The following SORBS2 variants were observed in gnomAD, a reference collection of about 807,000 sequenced individuals.
SORBS2 encodes sorbin and SH3 domain-containing protein 2.
Under a neutral mutation model 97.7 loss-of-function variants are expected in SORBS2, and 46 were observed. The observed-to-expected ratio is 0.47, with a 90% confidence interval of 0.37 to 0.60. SORBS2 has a LOEUF of 0.60. Among genes scored for constraint, SORBS2 ranks in the 20% least tolerant of loss-of-function variants. SORBS2 has a pLI of 0.00. For synonymous variants in SORBS2, 476 were observed against 473.4 expected (o/e 1.01, Z -0.07); for missense variants, 1,316 against 1,282.3 (o/e 1.03, Z -0.40).
upstream of SORBS2, among the ~76,000 whole-genome samples, chr4:185,658,645 C>T (rs745856847): frequency 6.7e-6 from 1 of 149,282 alleles, no homozygotes; most frequent in Non-Finnish European, 1.5e-5. Flanking sequence ...TGATATATAT[C>T]ATGTATAAAT....
At chr4:185,743,420 T>C (rs978890191) in intron 2 of SORBS2, among the ~76,000 whole-genome samples, 6 of 152,174 alleles carry the variant, frequency 3.9e-5, no homozygotes, top group Admixed American at 3.3e-4. Context: ...AACAGACAAA[T>C]AGCCCTTCGG....
intron 2 of SORBS2, among the ~76,000 whole-genome samples, chr4:185,758,530 G>C (rs2098844702): frequency 6.6e-6 from 1 of 152,084 alleles, no homozygotes; most frequent in Non-Finnish European, 1.5e-5. Flanking sequence ...GCCTCATTCA[G>C]TCTCAAGGCT....
intron 1 of SORBS2, among the ~76,000 whole-genome samples, chr4:185,943,622 G>A (rs548112304): frequency 2.0e-5 from 3 of 152,248 alleles, no homozygotes; most frequent in South Asian, 4.1e-4. Flanking sequence ...ATAGCAGGGG[G>A]AATATATTAG....
At chr4:185,881,984 T>G (rs1432398855) in intron 1 of SORBS2, among the ~76,000 whole-genome samples, 1 of 152,210 alleles carries the variant, frequency 6.6e-6, no homozygotes, top group Non-Finnish European at 1.5e-5. Flanking sequence ...TTTAATATGA[T>G]CTCTTAGACA....
rs1015656531 is a variant in SORBS2, at chr4:185,812,015, T to C, written c.-337-36649A>G. 2 of 152,206 alleles carry C rather than the reference T, an allele frequency of 1.3e-5. No homozygotes were observed. Among genetic ancestry groups the C allele is most frequent in the Admixed American group, 1.3e-4 (2 of 15,284 alleles). The allele number at this position is 152,206 out of a possible 1,614,324, so 9.4% of individuals were successfully genotyped here. A position where few individuals can be genotyped will look rare whatever the true frequency, so the allele number is the denominator to read the frequency against. On this transcript the variant is annotated intron_variant, in intron 1 of 20. An upstream open reading frame in the 5' UTR loses its in-frame stop. Coordinates refer to the SORBS2 transcript ENST00000284776. ...GCCTGATAGCAGATATGCAGCATTA[T>C]CACTCTGCATTCCACATTCTCCAAT...
At chr4:185,596,530 C>CTTTTTTTTTTT (rs58831094) in intron 12 of SORBS2, among the ~76,000 whole-genome samples, 9 of 77,432 alleles carry the variant, frequency 1.2e-4, no homozygotes, top group African/African-American at 5.0e-4. Context: ...ACCGTCCTTG[C>CTTTTTTTTTTT]TTTTTTTTTT....
chr4:185,608,810 G>GA (rs1436499955), intron 12 of SORBS2, among the ~76,000 whole-genome samples: 6 of 151,982 alleles, frequency 3.9e-5, no homozygotes, highest in African/African-American at 1.4e-4. Flanking sequence ...GATTTGGAAA[G>GA]AAAAACATCT....
intron 1 of SORBS2, among the ~76,000 whole-genome samples, chr4:185,910,928 G>A (rs1013184138): frequency 9.3e-5 from 14 of 151,060 alleles, no homozygotes; most frequent in East Asian, 2.0e-4. Flanking sequence ...AGTAGGACTC[G>A]TTTCTTATAT....
intron 1 of SORBS2, among the ~76,000 whole-genome samples, chr4:185,888,764 C>T (rs183080633): frequency 2.6e-5 from 4 of 152,340 alleles, no homozygotes; most frequent in East Asian, 3.9e-4. Flanking sequence ...CACCCCAACC[C>T]GCATGACTGG....
chr4:185,679,562 A>G (rs1157883686), intron 2 of SORBS2, among the ~76,000 whole-genome samples: 1 of 152,190 alleles, frequency 6.6e-6, no homozygotes, highest in Admixed American at 6.5e-5. Flanking sequence ...TGAGGTAATC[A>G]GTTTGCACGT....
chr4:185,885,429 T>TA (rs2099238913), intron 1 of SORBS2, among the ~76,000 whole-genome samples: 1 of 152,238 alleles, frequency 6.6e-6, no homozygotes, highest in Non-Finnish European at 1.5e-5. Flanking sequence ...CAGAAGTGTC[T>TA]AGGGATGCCC....
At chr4:185,788,722 T>C (rs1451485948) in intron 1 of SORBS2, among the ~76,000 whole-genome samples, 1 of 152,202 alleles carries the variant, frequency 6.6e-6, no homozygotes, top group Non-Finnish European at 1.5e-5. Context: ...TCTATTTGCA[T>C]ATATAACGTT....
At chr4:185,594,073 T>G in intron 12 of SORBS2, 138 bp from the exon 25 acceptor site, 1 of 631,844 alleles carries the variant, frequency 1.6e-6, no homozygotes. Flanking sequence ...AAAAACCAAA[T>G]AAAAGCTTTC....
chr4:185,620,281 G>C, intron 7 of SORBS2, 130 bp from the exon 20 acceptor site: 3 of 675,182 alleles, frequency 4.4e-6, no homozygotes, highest in Non-Finnish European at 8.1e-6. Context: ...GAACACATGG[G>C]CATAAAACTC....
At chr4:185,702,093 G>A (rs1195390519) in intron 2 of SORBS2, among the ~76,000 whole-genome samples, 1 of 152,160 alleles carries the variant, frequency 6.6e-6, no homozygotes, top group African/African-American at 2.4e-5. Context: ...TGTGGGAGAA[G>A]CCACTTTAGA....
At chr4:185,922,548 G>T (rs190466193) in intron 1 of SORBS2, among the ~76,000 whole-genome samples, 153 of 152,290 alleles carry the variant, frequency 1.0e-3, no homozygotes, top group South Asian at 1.9e-3. Flanking sequence ...CATCAGGTTT[G>T]CATAACCTAT....
chr4:185,788,178 AAATGAGCTGTT>A (rs1434600591), intron 1 of SORBS2, among the ~76,000 whole-genome samples: 2 of 152,234 alleles, frequency 1.3e-5, no homozygotes, highest in Non-Finnish European at 2.9e-5. Flanking sequence ...CTCATGAACT[AAATGAGCTGTT>A]AATGCTGTTC....
intron 1 of SORBS2, among the ~76,000 whole-genome samples, chr4:185,889,709 T>C (rs953018960): frequency 2.6e-5 from 4 of 152,130 alleles, no homozygotes; most frequent in African/African-American, 9.7e-5. Flanking sequence ...CTCCTCCGCC[T>C]GACAGTTTTA....
chr4:185,719,848 C>T (rs4862566), intron 2 of SORBS2, among the ~76,000 whole-genome samples: 140,374 of 152,334 alleles, frequency 0.92, 64,724 homozygotes, highest in African/African-American at 0.97. Context: ...TGTCCTCTTG[C>T]ACCCAGTCCC....
Sources: allele counts gnomAD v4.1 joint callset (sites outside exome capture counted in the v4.1 genomes callset), GRCh38; gene constraint gnomAD v4.1.1; transcripts MANE v1.5; gene names NCBI Gene and HGNC (gene_info 2026-07-23, HGNC 2026-07-21).